The following MINK1 variants were observed in gnomAD, a reference collection of about 807,000 sequenced individuals.
The protein encoded by MINK1 is misshapen like kinase 1.
In MINK1, 46 loss-of-function variants were observed where a neutral mutation model predicts 178.4. The observed-to-expected ratio is 0.26, with a 90% CI of 0.20 to 0.33. The LOEUF (loss-of-function observed/expected upper bound fraction) is 0.33. Among genes scored for constraint, MINK1 ranks in the 10% least tolerant of loss-of-function variants. The pLI is 1.00. For missense variants in MINK1, 1,366 were observed against 1,814.9 expected (o/e 0.75, Z 4.49); for synonymous variants, 797 against 709.7 (o/e 1.12, Z -1.96).
chr17:4,884,993 G>T lies in MINK1; in HGVS notation c.499G>T (p.Val167Phe). 1 of 1,613,950 alleles carries T rather than the reference G, an allele frequency of 6.2e-7. No individual in the cohort carries two copies. The highest frequency in any genetic ancestry group is 8.5e-7 in the Non-Finnish European group (1 of 1,179,866). ...TGTGCTGCTGACAGAGAATGCTGAG[G>T]TCAAGCTAGGTGCGCCGGCTCCTTC... ...QNVLLTENAE[V>F]KLVDFGVSAQ... is the part of the protein sequence containing the mutation. The change falls in exon 6 of 32, where the codon GTC becomes TTC. Residue 167 changes from valine (V) to phenylalanine (F), a missense_variant. By Grantham distance (50) the Val-to-Phe change is conservative (BLOSUM62 -1). Transcript: ENST00000355280.
At chr17:4,892,337 G>T (rs1968916327) in intron 17 of MINK1, 65 bp from the exon 18 acceptor site, 1 of 1,463,938 alleles carries the variant, frequency 6.8e-7, no homozygotes. Flanking sequence ...GGGTGGGAAA[G>T]CCCCAGCCCC....
intron 1 of MINK1, among the ~76,000 whole-genome samples, chr17:4,835,080 G>A (rs1909103131): frequency 6.6e-6 from 1 of 152,178 alleles, no homozygotes; most frequent in African/African-American, 2.4e-5. Context: ...GAATTTCTCT[G>A]TGTGCGCAGG....
Position 4,896,117 on chromosome 17 carries a change from C to T in MINK1, c.3465+14C>T, listed in dbSNP as rs769036018. ...ATGGCCTTCAAGGTAATCCCAGCCT[C>T]GGTCCCTAACACCATCTGGAGTCCC... is the stretch of plus-strand genomic sequence containing the variant. On this transcript the variant is annotated intron_variant, in intron 28 of 31. Coordinates refer to ENST00000355280, the MANE Select transcript of MINK1 (RefSeq NM_153827.5). This position sits in a 1 kb window ranked among gnomAD's most constrained non-coding sequence, Gnocchi z 4.6. 16 of 1,605,514 alleles carry T rather than the reference C, an allele frequency of 1.0e-5. No homozygotes were observed. Among genetic ancestry groups the T allele is most frequent in the Admixed American group, 6.8e-5 (4 of 58,542 alleles).
At chr17:4,890,805 T>A in intron 14 of MINK1, 70 bp downstream of exon 14, 1 of 1,522,338 alleles carries the variant, frequency 6.6e-7, no homozygotes, top group Non-Finnish European at 8.9e-7. Flanking sequence ...CCACAAGAAG[T>A]AGTAGTTCAC....
rs555004162 is a variant in MINK1 at position 4,870,910 on chromosome 17, C to G, written c.58-7407C>G. Among the ~76,000 whole-genome samples the G allele has an allele frequency of 2.0e-5, 3 of 152,282 alleles. No homozygotes were observed. The South Asian group carries it at 6.2e-4, about 32-fold the overall frequency. On this transcript the variant is annotated intron_variant, in intron 1 of 31. Transcript: ENST00000355280. Reference sequence around the variant, plus strand: ...AGACTTATGCAACCATCTTCACTATCTAATTTCAGAACCTTTTCATTATCC... The same window carrying G: ...AGACTTATGCAACCATCTTCACTATGTAATTTCAGAACCTTTTCATTATCC...
At position 4,887,441 on chromosome 17, in the gene MINK1, A is replaced by T; in HGVS notation, c.1020-139A>T. 1 of 828,554 alleles carries T rather than the reference A, an allele frequency of 1.2e-6. No homozygotes were observed. The highest frequency in any genetic ancestry group is 1.9e-6 in the Non-Finnish European group (1 of 533,598). 51.3% of individuals were successfully genotyped at this position (828,554 alleles called of 1,614,324 possible). A position where few individuals can be genotyped will look rare whatever the true frequency, so the allele number is the denominator to read the frequency against. On this transcript the variant is annotated intron_variant, in intron 11 of 31. Coordinates refer to ENST00000355280, the MANE Select transcript of MINK1 (RefSeq NM_153827.5). This position sits in a 1 kb window ranked among gnomAD's most constrained non-coding sequence, Gnocchi z 7.6. The stretch of plus-strand genomic sequence containing the variant: ...GAAGACTGGGCAGAAGGGGACGGTA[A>T]GTCTCCTGGCCACCTGGGAGTGGCC...
intron 13 of MINK1, 70 bp downstream of exon 13, chr17:4,889,833 G>A (rs1043562355): frequency 7.0e-6 from 7 of 993,084 alleles, no homozygotes; most frequent in Non-Finnish European, 9.3e-6. Flanking sequence ...CCTGCTCCCC[G>A]TGCCCTTCCC....
chr17:4,881,386 CCT>C, intron 4 of MINK1, 129 bp downstream of exon 4: 1 of 1,095,408 alleles, frequency 9.1e-7, no homozygotes, highest in Admixed American at 2.4e-5. Context: ...CCCAGCCTCC[CCT>C]GTCCCTGGAC....
At chr17:4,893,752 G>C (rs761889750) in intron 21 of MINK1, 155 bp downstream of exon 21, 39 of 1,162,164 alleles carry the variant, frequency 3.4e-5, no homozygotes, top group Non-Finnish European at 4.5e-5. Flanking sequence ...TCTCTCTCCC[G>C]CTGCCCTGTG....
intron 1 of MINK1, among the ~76,000 whole-genome samples, chr17:4,870,113 C>G (rs1320485098): frequency 6.6e-6 from 1 of 151,428 alleles, no homozygotes. Context: ...GGGGTTTCAC[C>G]GTGTAAGCCA....
chr17:4,867,138 G>GT lies in MINK1; in HGVS notation c.58-11152dup, dbSNP rs759995957. ...CACTATAGTAGGTGCTCTTAGGACTGTTTTTTTTTTTTTTTTTTTTTTTTT... is the reference window on the plus strand; with the variant it reads ...CACTATAGTAGGTGCTCTTAGGACTGTTTTTTTTTTTTTTTTTTTTTTTTTT... On this transcript the variant is annotated intron_variant, in intron 1 of 31. Coordinates refer to ENST00000355280, the MANE Select transcript of MINK1 (RefSeq NM_153827.5). Among the ~76,000 whole-genome samples, 467 of 64,904 alleles carry GT rather than the reference G, an allele frequency of 7.2e-3. 56 individuals carry two copies. Among genetic ancestry groups the GT allele is most frequent in the African/African-American group, 0.028 (436 of 15,394 alleles). The allele number at this position is 64,904 out of a possible 152,430, so 42.6% of individuals were successfully genotyped here. A position where few individuals can be genotyped will look rare whatever the true frequency, so the allele number is the denominator to read the frequency against.
intron 1 of MINK1, among the ~76,000 whole-genome samples, chr17:4,839,022 C>A (rs920355178): frequency 6.6e-6 from 1 of 151,900 alleles, no homozygotes; most frequent in Non-Finnish European, 1.5e-5. Flanking sequence ...TGGCTCACTG[C>A]AAGCTCCACC....
rs1170181369 is a variant in MINK1 at position 4,892,690 on chromosome 17, G to A, written c.2233G>A (p.Glu745Lys). The A allele has an allele frequency of 6.2e-7, 1 of 1,611,388 alleles. No homozygotes were observed. The highest frequency in any genetic ancestry group is 1.3e-5 in the African/African-American group (1 of 74,914). The change falls in exon 19 of 32, where the codon GAA becomes AAA. Residue 745 changes from glutamate to lysine, a missense_variant. This residue lies in a region of MINK1 where 709 missense variants were observed against 692.3 expected (regional missense o/e 1.02). Transcript: ENST00000355280. ...CCTCAGGAGGAGCGACCCTGGCTGG[G>A]AACGCTCGGACAGCGTCCTTCCAGC... ...PDLRRSDPGW[E>K]RSDSVLPASH...
Position 4,887,251 on chromosome 17 carries a change from T to A in MINK1, c.1019+72T>A, listed in dbSNP as rs1307325749. ...GGGGGGACTACAGTGGTGCTTGGCT[T>A]TGGGGACTCTCAGCCTGGGGGTGGT... On this transcript the variant is annotated intron_variant, in intron 11 of 31. Transcript: ENST00000355280. The surrounding 1 kb of genome is among the most constrained non-coding windows in gnomAD (Gnocchi z 7.6). 4.1e-6 allele frequency: 6 copies of A among 1,452,578 alleles called. No homozygotes were observed. The highest frequency in any genetic ancestry group is 5.7e-6 in the Non-Finnish European group (6 of 1,058,692). The allele number at this position is 1,452,578 out of a possible 1,614,324, so 90.0% of individuals were successfully genotyped here.
rs2277681 is a variant in MINK1 at position 4,889,757 on chromosome 17, C to T, written c.1341C>T (p.Arg447=). 0.076 allele frequency: 117,375 copies of T among 1,536,760 alleles called. 4,739 individuals are homozygous for T. Among genetic ancestry groups the T allele is most frequent in the Non-Finnish European group, 0.083 (95,189 of 1,144,558 alleles). The change falls in exon 13 of 32, where the codon CGC becomes CGT. Residue 447 remains arginine (R), a synonymous_variant. Transcript: ENST00000355280. ...AGGAGGAGCGGCGGCAGGCGGAGCG[C>T]GAGCAGGTAGAGCGCCGCACCCGCA... ...RREEERRQAE[R]EQEYKRKQLE... is the part of the protein sequence containing the mutation.
chr17:4,858,161 T>C (rs955919311), intron 1 of MINK1, among the ~76,000 whole-genome samples: 1 of 152,154 alleles, frequency 6.6e-6, no homozygotes, highest in South Asian at 2.1e-4. Flanking sequence ...AGGGAGCTGA[T>C]GAATTTATGG....
At chr17:4,844,615 A>G (rs1296834083) in intron 1 of MINK1, 2 of 501,098 alleles carry the variant, frequency 4.0e-6, no homozygotes, top group South Asian at 1.5e-5. Context: ...TGGGGAGCAC[A>G]TGTTGGGAAT....
In MINK1 at chr17:4,886,710, C is replaced by A; in HGVS notation, c.949+84C>A. Reference sequence around the variant, plus strand: ...TGCCAGCCCTGCTCGCTCCTGGCACCCCTTCCTGCTCCCCTCCTTGGCCCC... The same window carrying A: ...TGCCAGCCCTGCTCGCTCCTGGCACACCTTCCTGCTCCCCTCCTTGGCCCC... On this transcript the variant is annotated intron_variant, in intron 10 of 31. Coordinates refer to ENST00000355280, the MANE Select transcript of MINK1 (RefSeq NM_153827.5). The surrounding 1 kb of genome is among the most constrained non-coding windows in gnomAD (Gnocchi z 6.1). The A allele has an allele frequency of 7.3e-7, 1 of 1,372,150 alleles. No homozygotes were observed. The highest frequency in any genetic ancestry group is 9.7e-7 in the Non-Finnish European group (1 of 1,035,428). 85.0% of individuals were successfully genotyped at this position (1,372,150 alleles called of 1,614,324 possible). A position where few individuals can be genotyped will look rare whatever the true frequency, so the allele number is the denominator to read the frequency against.
At chr17:4,891,213 CACACA>C (rs769010231) in intron 15 of MINK1, 89 bp downstream of exon 15, 2 of 1,174,918 alleles carry the variant, frequency 1.7e-6, no homozygotes, top group Middle Eastern at 3.0e-4. Flanking sequence ...CACACACACA[CACACA>C]CACACACCTG....
Sources: gnomAD v4.1 joint callset for allele counts (sites outside exome capture counted in the v4.1 genomes callset) on GRCh38, gnomAD v4.1.1 for gene constraint, gnomAD v4.1.1 regional missense constraint, Gnocchi (gnomAD v3.1) non-coding constraint, MANE v1.5 for transcripts, NCBI Gene and HGNC (gene_info 2026-07-23, HGNC 2026-07-21) for gene names.